Variants in BEGAIN observed in about 807,000 individuals in gnomAD.
BEGAIN encodes the protein brain enriched guanylate kinase associated.
Under a neutral mutation model 35.8 loss-of-function variants are expected in BEGAIN, and 19 were observed. That is an observed-to-expected ratio of 0.53 (90% CI 0.37 to 0.78). BEGAIN has a LOEUF of 0.78. BEGAIN is among the 30% of genes least tolerant of loss of function. The probability of loss-of-function intolerance (pLI) is 0.00; values close to 1 mark genes in which losing one functional copy is unlikely to be tolerated. For synonymous variants in BEGAIN, 462 were observed against 388.6 expected, an observed-to-expected ratio of 1.19 and a Z score of -2.22; for missense variants, 795 against 853.6, an observed-to-expected ratio of 0.93 and a Z score of 0.85.
intron 6 of BEGAIN, chr14:100,540,131 C>T: frequency 4.3e-6 from 1 of 233,500 alleles, no homozygotes; most frequent in Non-Finnish European, 8.4e-6. Context: ...CTGAAATAGG[C>T]ACTGCCGGTC....
At position 100,586,364 on chromosome 14, in the gene BEGAIN, C is replaced by T. The variant is rs2035444766; in HGVS notation, c.42+885G>A. Among the ~76,000 whole-genome samples the T allele has an allele frequency of 6.6e-6, 1 of 152,176 alleles. No homozygotes were observed. The highest frequency in any genetic ancestry group is 6.5e-5 in the Admixed American group (1 of 15,282). On this transcript the variant is annotated intron_variant, in intron 1 of 6. Transcript: ENST00000554140. This position sits in a 1 kb window ranked among gnomAD's most constrained non-coding sequence, Gnocchi z 4.9. Reference sequence around the variant, plus strand: ...AGTCTGCACTGGCGGCCGACCTTGGCCATGCGGACTTTGCACGTGCAGTGC... The same window carrying T: ...AGTCTGCACTGGCGGCCGACCTTGGTCATGCGGACTTTGCACGTGCAGTGC...
intron 5 of BEGAIN, among the ~76,000 whole-genome samples, chr14:100,542,830 C>T (rs2031826945): frequency 6.6e-6 from 1 of 152,240 alleles, no homozygotes; most frequent in African/African-American, 2.4e-5. Context: ...GCATGGCAGC[C>T]ACGTGAGCCC....
chr14:100,587,207 G>C, intron 1 of BEGAIN, 42 bp downstream of exon 1: 1 of 179,194 alleles, frequency 5.6e-6, no homozygotes, highest in Non-Finnish European at 1.1e-5. Flanking sequence ...CCGCCTCCGC[G>C]CCCGCGCCCG....
chr14:100,571,266 CCTG>C (rs1311986648), intron 1 of BEGAIN, among the ~76,000 whole-genome samples: 2 of 152,216 alleles, frequency 1.3e-5, no homozygotes, highest in African/African-American at 4.8e-5. Flanking sequence ...GCCACTAGCC[CCTG>C]CTCTCTCCTC....
At chr14:100,551,337 G>A (rs1022433999) in intron 2 of BEGAIN, among the ~76,000 whole-genome samples, 14 of 152,248 alleles carry the variant, frequency 9.2e-5, no homozygotes, top group Admixed American at 3.3e-4. Context: ...TGGAGGGCTC[G>A]CAGAGACGCC....
chr14:100,544,557 C>T (rs536271590), intron 4 of BEGAIN, among the ~76,000 whole-genome samples: 9 of 152,302 alleles, frequency 5.9e-5, no homozygotes, highest in East Asian at 5.8e-4. Flanking sequence ...GAGAAAATGG[C>T]GACCCCACTG....
At chr14:100,561,271 G>A (rs1481250387) in intron 2 of BEGAIN, among the ~76,000 whole-genome samples, 1 of 152,228 alleles carries the variant, frequency 6.6e-6, no homozygotes, top group East Asian at 1.9e-4. Context: ...ACCGCCCAAG[G>A]GGTGGGCAGC....
At chr14:100,561,140 C>T (rs1002462859) in intron 2 of BEGAIN, among the ~76,000 whole-genome samples, 2 of 152,194 alleles carry the variant, frequency 1.3e-5, no homozygotes. Context: ...CCCCAACCAT[C>T]GACGGCCCCT....
At position 100,538,716 on chromosome 14, in the gene BEGAIN, G is replaced by A; in HGVS notation, c.1092C>T (p.Gly364=). Reference sequence around the variant, plus strand: ...CCGTGGCCTTGGCAAAGCGAGGGCTGCCCTCGTAGGTGGTGGCGGGTGGCT... The same window carrying A: ...CCGTGGCCTTGGCAAAGCGAGGGCTACCCTCGTAGGTGGTGGCGGGTGGCT... ...DRKPPATTYE[G]SPRFAKATAA... is the part of the protein sequence containing the mutation. Residue 364 remains glycine (G), a synonymous_variant, in exon 7 of 7, where the codon GGC becomes GGT. Transcript: ENST00000554140. The A allele has an allele frequency of 2.6e-6, 4 of 1,565,020 alleles. No homozygotes were observed. Among genetic ancestry groups the A allele is most frequent in the African/African-American group, 1.4e-5 (1 of 73,946 alleles).
intron 1 of BEGAIN, among the ~76,000 whole-genome samples, chr14:100,571,892 C>G (rs910938511): frequency 1.3e-5 from 2 of 152,198 alleles, no homozygotes; most frequent in African/African-American, 4.8e-5. Flanking sequence ...GGCCTCCCTT[C>G]CCTGACTACC....
Position 100,545,117 on chromosome 14 carries a change from C to T in BEGAIN, c.234-51G>A, listed in dbSNP as rs181022257. On this transcript the variant is annotated intron_variant, in intron 3 of 6. Coordinates refer to ENST00000554140, the MANE Select transcript of BEGAIN (RefSeq NM_001385089.1). Reference sequence around the variant, plus strand: ...TGCCATGCAAGGCCTGTCCCTCCCACGACCCTTATGGCCGCACAGCCTGCT... The same window carrying T: ...TGCCATGCAAGGCCTGTCCCTCCCATGACCCTTATGGCCGCACAGCCTGCT... 26 of 1,610,550 alleles carry T rather than the reference C, an allele frequency of 1.6e-5. No homozygotes were observed. In the Admixed American group the frequency reaches 2.3e-4, roughly 14 times the overall value.
At chr14:100,581,448 C>T (rs2035313700) in intron 1 of BEGAIN, among the ~76,000 whole-genome samples, 1 of 152,172 alleles carries the variant, frequency 6.6e-6, no homozygotes. Flanking sequence ...TGGACAACCT[C>T]TCCTGGAGGG....
At chr14:100,561,146 C>T (rs1300451275) in intron 2 of BEGAIN, among the ~76,000 whole-genome samples, 1 of 152,160 alleles carries the variant, frequency 6.6e-6, no homozygotes, top group Non-Finnish European at 1.5e-5. Context: ...CCATCGACGG[C>T]CCCTGGGGAA....
chr14:100,586,158 C>T lies in BEGAIN; in HGVS notation c.42+1091G>A, dbSNP rs926276928. On this transcript the variant is annotated intron_variant, in intron 1 of 6. Coordinates refer to ENST00000554140, the MANE Select transcript of BEGAIN (RefSeq NM_001385089.1). The surrounding 1 kb of genome is among the most constrained non-coding windows in gnomAD (Gnocchi z 4.9). ...GTTAGGGGCTTCTGCCCACAGTCCT[C>T]GTGGGAGCCTGGCCCTGGGAGTAGT... 6.6e-6 allele frequency among the ~76,000 whole-genome samples: 1 copy of T among 152,216 alleles called. No individual in the cohort carries two copies. The highest frequency in any genetic ancestry group is 1.5e-5 in the Non-Finnish European group (1 of 68,044).
intron 5 of BEGAIN, among the ~76,000 whole-genome samples, chr14:100,543,600 A>T (rs2031958670): frequency 6.6e-6 from 1 of 152,222 alleles, no homozygotes; most frequent in South Asian, 2.1e-4. Context: ...AAGTCCTTAC[A>T]GCAGAGGGTC....
At chr14:100,543,790 G>C in intron 5 of BEGAIN, 68 bp downstream of exon 5, 2 of 1,231,108 alleles carry the variant, frequency 1.6e-6, no homozygotes, top group Non-Finnish European at 2.3e-6. Context: ...GACTCCCAGT[G>C]CATCCTGGGA....
At chr14:100,585,622 G>T (rs1189425790) in intron 1 of BEGAIN, among the ~76,000 whole-genome samples, 2 of 151,804 alleles carry the variant, frequency 1.3e-5, no homozygotes, top group African/African-American at 4.8e-5. Context: ...CTGCGCCCAA[G>T]TCTTGGGAGA....
At chr14:100,585,223 CCATCCAT>C (rs869102063) in intron 1 of BEGAIN, among the ~76,000 whole-genome samples, 2 of 125,440 alleles carry the variant, frequency 1.6e-5, no homozygotes, top group African/African-American at 6.3e-5. Context: ...ATCCATCCAT[CCATCCAT>C]CCCTCCCTCC....
Position 100,537,857 on chromosome 14 carries a change from C to G in BEGAIN, c.*112G>C, listed in dbSNP as rs1364088263. On this transcript the variant is annotated 3_prime_UTR_variant, in exon 7 of 7. Coordinates refer to ENST00000554140, the MANE Select transcript of BEGAIN (RefSeq NM_001385089.1). ...GAGGTGCGGGGAGGAACAGACTCCTCGTTGTTGGCCGGGGCAGGGGAACAG... is the reference window on the plus strand; with the variant it reads ...GAGGTGCGGGGAGGAACAGACTCCTGGTTGTTGGCCGGGGCAGGGGAACAG... The G allele has an allele frequency of 9.2e-6, 13 of 1,419,808 alleles. No individual in the cohort carries two copies. The Admixed American group carries it at 3.0e-4, about 32-fold the overall frequency. 88.0% of individuals were successfully genotyped at this position (1,419,808 alleles called of 1,614,324 possible).
Sources: gnomAD v4.1 joint callset for allele counts (sites outside exome capture counted in the v4.1 genomes callset) on GRCh38, gnomAD v4.1.1 for gene constraint, Gnocchi (gnomAD v3.1) non-coding constraint, MANE v1.5 for transcripts, NCBI Gene and HGNC (gene_info 2026-07-23, HGNC 2026-07-21) for gene names.